The following ABCG2 variants were observed in gnomAD, a reference collection of about 807,000 sequenced individuals.
The protein encoded by ABCG2 is broad substrate specificity ATP-binding cassette transporter ABCG2.
In ABCG2, 80 loss-of-function variants were observed where a neutral mutation model predicts 73.5. The observed-to-expected ratio is 1.09, with a 90% CI of 0.91 to 1.31. ABCG2 has a LOEUF of 1.31. Among genes scored for constraint, ABCG2 ranks in the 50% most tolerant of loss-of-function variants. The pLI, the probability that ABCG2 is intolerant of heterozygous loss-of-function variation, is 0.00. For missense variants in ABCG2, 796 were observed against 786.2 expected (o/e 1.01, Z -0.15); for synonymous variants, 269 against 282.4 (o/e 0.95, Z 0.48).
At chr4:88,096,438 TTAAA>T (rs1320126745) in intron 13 of ABCG2, among the ~76,000 whole-genome samples, 1 of 152,212 alleles carries the variant, frequency 6.6e-6, no homozygotes, top group African/African-American at 2.4e-5. Flanking sequence ...GTAGAAATCT[TTAAA>T]TAATAATAAA....
At chr4:88,155,403 C>A (rs191258380) in intron 1 of ABCG2, among the ~76,000 whole-genome samples, 50 of 152,036 alleles carry the variant, frequency 3.3e-4, no homozygotes, top group African/African-American at 1.2e-3. Context: ...GTCTGTGAAG[C>A]CTTGAGGCAG....
At chr4:88,158,938 C>A, upstream of ABCG2, 1 of 348,042 alleles carries the variant, frequency 2.9e-6, no homozygotes, top group African/African-American at 2.2e-5. Context: ...CCCCGGGTTT[C>A]CCCAGGTCGG....
At chr4:88,175,245 TAAA>T (rs749885624) in intron 1 of ABCG2, among the ~76,000 whole-genome samples, 1 of 152,212 alleles carries the variant, frequency 6.6e-6, no homozygotes, top group African/African-American at 2.4e-5. Flanking sequence ...ATTATAAATC[TAAA>T]AACTTGAGTA....
At chr4:88,205,434 C>G (rs987449701) in intron 1 of ABCG2, among the ~76,000 whole-genome samples, 8 of 152,132 alleles carry the variant, frequency 5.3e-5, no homozygotes, top group Admixed American at 4.6e-4. Context: ...CACTACCTTT[C>G]TATATACACA....
intron 5 of ABCG2, among the ~76,000 whole-genome samples, chr4:88,123,371 A>G (rs981263942): frequency 6.6e-6 from 1 of 152,248 alleles, no homozygotes; most frequent in South Asian, 2.1e-4. Flanking sequence ...CCTCCAAGCT[A>G]AAGGTGCATA....
At chr4:88,147,286 C>A (rs1378106220) in intron 1 of ABCG2, among the ~76,000 whole-genome samples, 2 of 152,052 alleles carry the variant, frequency 1.3e-5, no homozygotes, top group Admixed American at 6.6e-5. Flanking sequence ...CATGACAAGA[C>A]CCTGTCTCAA....
chr4:88,190,139 T>C (rs1728626239), intron 1 of ABCG2, among the ~76,000 whole-genome samples: 1 of 152,182 alleles, frequency 6.6e-6, no homozygotes, highest in Admixed American at 6.5e-5. Context: ...AGTTGTTGTT[T>C]GTTGGGTTTC....
intron 2 of ABCG2, among the ~76,000 whole-genome samples, chr4:88,133,689 G>A (rs990574407): frequency 8.5e-5 from 13 of 152,184 alleles, no homozygotes; most frequent in Admixed American, 7.2e-4. Flanking sequence ...AGAATGATAA[G>A]TGAAGGAACT....
chr4:88,094,485 T>G, intron 15 of ABCG2, 92 bp downstream of exon 15: 1 of 1,109,666 alleles, frequency 9.0e-7, no homozygotes, highest in Non-Finnish European at 1.3e-6. Flanking sequence ...TCAGTGCCCC[T>G]GGAAGGACTC....
chr4:88,198,963 T>A (rs1019840895), intron 1 of ABCG2, among the ~76,000 whole-genome samples: 25 of 150,638 alleles, frequency 1.7e-4, no homozygotes, highest in African/African-American at 4.9e-4. Context: ...TGTGTGTGTG[T>A]ATATATATAT....
At chr4:88,164,527 TCTC>T (rs1727437383) in intron 1 of ABCG2, among the ~76,000 whole-genome samples, 1 of 152,130 alleles carries the variant, frequency 6.6e-6, no homozygotes, top group Non-Finnish European at 1.5e-5. Context: ...GCTCGGCACT[TCTC>T]CTTCCTGCCG....
chr4:88,166,565 C>T (rs576953616), intron 1 of ABCG2, among the ~76,000 whole-genome samples: 1 of 152,192 alleles, frequency 6.6e-6, no homozygotes, highest in East Asian at 1.9e-4. Context: ...GTTTTTCCTC[C>T]CAACACTAAT....
At chr4:88,221,942 T>A (rs779264390) in intron 1 of ABCG2, among the ~76,000 whole-genome samples, 13 of 152,070 alleles carry the variant, frequency 8.5e-5, no homozygotes, top group Non-Finnish European at 2.9e-5. Context: ...ATGGAGAAAA[T>A]GTCTCTAGGA....
chr4:88,121,538 A>T, intron 6 of ABCG2, 97 bp downstream of exon 6: 1 of 1,166,558 alleles, frequency 8.6e-7, no homozygotes, highest in Non-Finnish European at 1.2e-6. Flanking sequence ...AGAGGAAGAA[A>T]TTACTTTGAT....
rs1405725632 is a variant in ABCG2, at chr4:88,095,513, G to A, written c.1737+7C>T. The A allele has an allele frequency of 1.2e-6, 2 of 1,608,620 alleles. No homozygotes were observed. Among genetic ancestry groups the A allele is most frequent in the Admixed American group, 3.3e-5 (2 of 60,002 alleles). ...TGCAGTCACAGTGACAGACAAGGAA[G>A]ACATACCGTAAATCCATATCGTGGA... On this transcript the variant is annotated splice_region_variant and intron_variant, in intron 14 of 15. Coordinates refer to ENST00000237612, the MANE Select transcript of ABCG2 (RefSeq NM_004827.3).
intron 1 of ABCG2, among the ~76,000 whole-genome samples, chr4:88,168,809 G>A (rs1406754067): frequency 6.6e-6 from 1 of 151,718 alleles, no homozygotes; most frequent in Non-Finnish European, 1.5e-5. Context: ...AAATCTAAGT[G>A]GACAGCTTGA....
intron 1 of ABCG2, among the ~76,000 whole-genome samples, chr4:88,180,843 TA>T (rs879871747): frequency 1.3e-5 from 2 of 152,062 alleles, no homozygotes; most frequent in Non-Finnish European, 2.9e-5. Flanking sequence ...TTACTGGTAA[TA>T]ATAAGTACAC....
chr4:88,216,923 C>T lies in ABCG2; in HGVS notation c.-20+14071G>A, dbSNP rs4482728. On this transcript the variant is annotated intron_variant, in intron 1 of 15. Coordinates refer to the ABCG2 transcript ENST00000515655. ...GTGGGCACCTGTAATCCCAGCTACT[C>T]GGGAGGCTGAGGCAGGAGAATCACT... 7.8e-3 allele frequency among the ~76,000 whole-genome samples: 1,186 copies of T among 151,128 alleles called. 5 individuals carry two copies. The highest frequency in any genetic ancestry group is 0.014 in the Middle Eastern group (4 of 286).
Position 88,115,256 on chromosome 4 carries a change from C to CTCTCTCTCTCTCTCTCTCTA in ABCG2, c.842-199_842-198insTAGAGAGAGAGAGAGAGAGA, listed in dbSNP as rs1309360818. On this transcript the variant is annotated intron_variant, in intron 7 of 15. Coordinates refer to ENST00000237612, the MANE Select transcript of ABCG2 (RefSeq NM_004827.3). ...AGTCTCTCTCTCTCTCTCTCTCTCT[C>CTCTCTCTCTCTCTCTCTCTA]TATATATATATATATATATATATAT... Among the ~76,000 whole-genome samples, 405 of 69,830 alleles carry CTCTCTCTCTCTCTCTCTCTA rather than the reference C, an allele frequency of 5.8e-3. 5 individuals are homozygous for CTCTCTCTCTCTCTCTCTCTA. Among genetic ancestry groups the CTCTCTCTCTCTCTCTCTCTA allele is most frequent in the African/African-American group, 0.02 (353 of 17,716 alleles). The allele number at this position is 69,830 out of a possible 152,430, so 45.8% of individuals were successfully genotyped here. A position where few individuals can be genotyped will look rare whatever the true frequency, so the allele number is the denominator to read the frequency against.
Sources: allele counts gnomAD v4.1 joint callset (sites outside exome capture counted in the v4.1 genomes callset), GRCh38; gene constraint gnomAD v4.1.1; transcripts MANE v1.5; gene names NCBI Gene and HGNC (gene_info 2026-07-23, HGNC 2026-07-21).